GAL3ST2: variants seen among roughly 807,000 people sequenced by gnomAD.
GAL3ST2 encodes the protein beta-galactose-3-O-sulfotransferase 2.
GAL3ST2 carries 16 observed loss-of-function variants against 12.9 expected under a neutral mutation model. That is an observed-to-expected ratio of 1.24 (90% CI 0.84 to 1.88). GAL3ST2 has a LOEUF of 1.88. Ranked by LOEUF, GAL3ST2 falls within the 40% of genes most tolerant of loss-of-function variation. The pLI is 0.00. For missense variants in GAL3ST2, 639 were observed against 571.8 expected (o/e 1.12, Z -1.20); for synonymous variants, 302 against 273.9 (o/e 1.10, Z -1.01).
rs976128132 is a variant in GAL3ST2 at position 241,793,633 on chromosome 2, TTGTG to T, written c.30-5428_30-5425del. On this transcript the variant is annotated intron_variant, in intron 1 of 3. Coordinates refer to ENST00000192314, the MANE Select transcript of GAL3ST2 (RefSeq NM_022134.3). This position sits in a 1 kb window ranked among gnomAD's most constrained non-coding sequence, Gnocchi z 4.7. ...TGTATTGTGTGTGTACATATTGTGT[TTGTG>T]TGTACATATTGTGTATGCATATGTG... is the stretch of plus-strand genomic sequence containing the variant. Among the ~76,000 whole-genome samples, 2 of 149,992 alleles carry T rather than the reference TTGTG, an allele frequency of 1.3e-5. No homozygotes were observed. Among genetic ancestry groups the T allele is most frequent in the African/African-American group, 2.5e-5 (1 of 40,196 alleles).
intron 1 of GAL3ST2, among the ~76,000 whole-genome samples, chr2:241,779,760 C>T (rs189762691): frequency 2.0e-4 from 30 of 150,154 alleles, no homozygotes; most frequent in South Asian, 4.2e-4. Flanking sequence ...CCGAGGCGGG[C>T]GGATCACCTG....
chr2:241,790,649 T>A (rs1699684099), intron 1 of GAL3ST2, among the ~76,000 whole-genome samples: 1 of 152,216 alleles, frequency 6.6e-6, no homozygotes, highest in Non-Finnish European at 1.5e-5. Context: ...AAAATAACAA[T>A]GTTTTACCCC....
chr2:241,777,630 C>T (rs1214915496), intron 1 of GAL3ST2, among the ~76,000 whole-genome samples: 1 of 152,168 alleles, frequency 6.6e-6, no homozygotes, highest in Non-Finnish European at 1.5e-5. Flanking sequence ...CCTGCCTCCC[C>T]GGGGCGTGTG....
rs137862503 is a variant in GAL3ST2, at chr2:241,799,073, G to A, written c.38G>A (p.Arg13Gln). The change falls in exon 2 of 4, where the codon CGG becomes CAG. Residue 13 changes from arginine to glutamine, a missense_variant. Coordinates refer to ENST00000192314, the MANE Select transcript of GAL3ST2 (RefSeq NM_022134.3). The stretch of plus-strand genomic sequence containing the variant: ...GCCTGCCCTTTCCACAGATACTTCC[G>A]GGTCATCCTCCTCCTCCTCCTGGCC... ...SMLGGLQRYFRVILLLLLALT... is the reference protein window; with the variant it reads ...SMLGGLQRYFQVILLLLLALT... The A allele has an allele frequency of 1.3e-4, 202 of 1,613,288 alleles. No individual in the cohort carries two copies. The African/African-American group carries it at 2.4e-3, about 19-fold the overall frequency.
intron 1 of GAL3ST2, among the ~76,000 whole-genome samples, chr2:241,796,518 G>A (rs868414327): frequency 2.6e-5 from 4 of 151,136 alleles, no homozygotes; most frequent in Middle Eastern, 3.4e-3. Context: ...GAACTGAGTC[G>A]TCACCCCATT....
At chr2:241,799,877 G>A (rs963356136) in intron 2 of GAL3ST2, among the ~76,000 whole-genome samples, 1 of 152,160 alleles carries the variant, frequency 6.6e-6, no homozygotes, top group African/African-American at 2.4e-5. Flanking sequence ...CAGGGAGGGC[G>A]CCTGCTACTC....
intron 1 of GAL3ST2, among the ~76,000 whole-genome samples, chr2:241,791,954 A>T (rs541126652): frequency 3.4e-5 from 5 of 146,812 alleles, no homozygotes; most frequent in South Asian, 4.4e-4. Flanking sequence ...AATGTTTGCA[A>T]TTTTTTTCAT....
intron 1 of GAL3ST2, among the ~76,000 whole-genome samples, chr2:241,779,214 ATTTTTTTTTTTTTTTTTTTTTTT>A (rs56979777): frequency 1.8e-4 from 10 of 54,546 alleles, no homozygotes; most frequent in Middle Eastern, 0.026. Context: ...AGGAAAGCTC[ATTTTTTTTTTTTTTTTTTTTTTT>A]TTTTTTTTTT....
At position 241,793,779 on chromosome 2, in the gene GAL3ST2, T is replaced by TTG. The variant is rs547289987; in HGVS notation, c.30-5274_30-5273dup. 4.5e-3 allele frequency among the ~76,000 whole-genome samples: 677 copies of TTG among 151,438 alleles called. 5 individuals carry two copies. Among genetic ancestry groups the TTG allele is most frequent in the African/African-American group, 0.016 (649 of 41,236 alleles). On this transcript the variant is annotated intron_variant, in intron 1 of 3. Transcript: ENST00000192314. The surrounding 1 kb of genome is among the most constrained non-coding windows in gnomAD (Gnocchi z 4.7). ...ATTGTGTATGTGTAGTGTGTATTATTTGTGTGTGTGTGTATTGTGTGTGTA... is the reference window on the plus strand; with the variant it reads ...ATTGTGTATGTGTAGTGTGTATTATTTGTGTGTGTGTGTGTATTGTGTGTGTA...
Position 241,799,170 on chromosome 2 carries a change from A to G in GAL3ST2, c.119+16A>G. On this transcript the variant is annotated intron_variant, in intron 2 of 3. Transcript: ENST00000192314. ...TGGACACACCGTAAGTCCTGCCCCC[A>G]CCATAAGTCCTGCCCCGGGTACCTC... 2 of 1,610,366 alleles carry G rather than the reference A, an allele frequency of 1.2e-6. No homozygotes were observed. Among genetic ancestry groups the G allele is most frequent in the Non-Finnish European group, 8.5e-7 (1 of 1,177,198 alleles).
chr2:241,798,995 T>G, intron 1 of GAL3ST2, 70 bp from the exon 2 acceptor site: 1 of 1,258,542 alleles, frequency 7.9e-7, no homozygotes, highest in Non-Finnish European at 1.2e-6. Flanking sequence ...TGGACTTGGC[T>G]GCAGGATGGG....
At chr2:241,777,149 C>A (rs191084746) in intron 1 of GAL3ST2, among the ~76,000 whole-genome samples, 165 bp downstream of exon 1, 2 of 152,222 alleles carry the variant, frequency 1.3e-5, no homozygotes, top group Non-Finnish European at 2.9e-5. Context: ...GGCTTCGTTT[C>A]GGAAGTAGGG....
chr2:241,785,290 G>C (rs1182189008), intron 1 of GAL3ST2, among the ~76,000 whole-genome samples: 1 of 152,156 alleles, frequency 6.6e-6, no homozygotes, highest in Non-Finnish European at 1.5e-5. Flanking sequence ...GGTGGCTCAC[G>C]CCTGTAATCC....
chr2:241,794,225 G>A (rs1333683291), intron 1 of GAL3ST2, among the ~76,000 whole-genome samples: 1 of 152,156 alleles, frequency 6.6e-6, no homozygotes, highest in Admixed American at 6.5e-5. Context: ...TGGGATCACA[G>A]GTGTGAGCCA....
rs1427489944 is a variant in GAL3ST2 at position 241,802,661 on chromosome 2, GGAGGGGAAAGGAA to G, written c.375+631_375+643del. Among the ~76,000 whole-genome samples the G allele has an allele frequency of 6.6e-6, 1 of 150,936 alleles. No homozygotes were observed. The highest frequency in any genetic ancestry group is 1.5e-5 in the Non-Finnish European group (1 of 67,586). On this transcript the variant is annotated intron_variant, in intron 3 of 3. Coordinates refer to ENST00000192314, the MANE Select transcript of GAL3ST2 (RefSeq NM_022134.3). This position sits in a 1 kb window ranked among gnomAD's most constrained non-coding sequence, Gnocchi z 4.8. The stretch of plus-strand genomic sequence containing the variant: ...GCAGAGGGAGGAGGAGGGGCCGGGA[GGAGGGGAAAGGAA>G]GAGGGTGGGGGCAGGGAGGAGGCCT...
At chr2:241,790,033 G>A (rs1326745776) in intron 1 of GAL3ST2, among the ~76,000 whole-genome samples, 1 of 151,962 alleles carries the variant, frequency 6.6e-6, no homozygotes, top group Non-Finnish European at 1.5e-5. Context: ...GTTATGTTAA[G>A]TTATTGTATG....
In GAL3ST2 at chr2:241,802,098, G is replaced by A. The variant is rs534611910; in HGVS notation, c.375+62G>A. ...GCCGTGCCTGTGGCTGTGGGTCTGG[G>A]TGGTGTAGCCTGGAGGCTGGAGAGA... On this transcript the variant is annotated intron_variant, in intron 3 of 3. Transcript: ENST00000192314. This position sits in a 1 kb window ranked among gnomAD's most constrained non-coding sequence, Gnocchi z 4.8. 2.5e-5 allele frequency: 38 copies of A among 1,535,648 alleles called. No homozygotes were observed. The African/African-American group carries it at 5.0e-4, about 20-fold the overall frequency.
At position 241,802,276 on chromosome 2, in the gene GAL3ST2, A is replaced by G. The variant is rs1251410922; in HGVS notation, c.375+240A>G. Among the ~76,000 whole-genome samples the G allele has an allele frequency of 6.6e-6, 1 of 152,148 alleles. No individual in the cohort carries two copies. The highest frequency in any genetic ancestry group is 6.5e-5 in the Admixed American group (1 of 15,270). On this transcript the variant is annotated intron_variant, in intron 3 of 3. Transcript: ENST00000192314. The surrounding 1 kb of genome is among the most constrained non-coding windows in gnomAD (Gnocchi z 4.8). ...CTGGGAGCCCCACAGCCCCTGCCCA[A>G]GGGCGTCCCCAGCGCTCCCCCGCTT...
rs1031100081 is a variant in GAL3ST2 at position 241,793,434 on chromosome 2, C to T, written c.30-5631C>T. Among the ~76,000 whole-genome samples the T allele has an allele frequency of 8.7e-5, 13 of 148,992 alleles. No homozygotes were observed. The highest frequency in any genetic ancestry group is 7.4e-5 in the Non-Finnish European group (5 of 67,520). On this transcript the variant is annotated intron_variant, in intron 1 of 3. Coordinates refer to ENST00000192314, the MANE Select transcript of GAL3ST2 (RefSeq NM_022134.3). The surrounding 1 kb of genome is among the most constrained non-coding windows in gnomAD (Gnocchi z 4.7). Reference sequence around the variant, plus strand: ...TACATGTACGTGTGTATATTGTGTACGTGTATGTATGTACTGTGTATGCGT... The same window carrying T: ...TACATGTACGTGTGTATATTGTGTATGTGTATGTATGTACTGTGTATGCGT...
Sources: gnomAD v4.1 joint callset for allele counts (sites outside exome capture counted in the v4.1 genomes callset) on GRCh38, gnomAD v4.1.1 for gene constraint, Gnocchi (gnomAD v3.1) non-coding constraint, MANE v1.5 for transcripts, NCBI Gene and HGNC (gene_info 2026-07-23, HGNC 2026-07-21) for gene names.